CLIP1: variants seen among roughly 807,000 people sequenced by gnomAD.
The protein encoded by CLIP1 is CAP-Gly domain containing linker protein 1, also known as CAP-Gly domain-containing linker protein 1.
A neutral mutation model predicts 161.6 loss-of-function variants in CLIP1; 66 were observed. That is an observed-to-expected ratio of 0.41 (90% CI 0.33 to 0.50). The LOEUF is 0.50. Among genes scored for constraint, CLIP1 ranks in the 20% least tolerant of loss-of-function variants. The pLI is 0.27. For missense variants in CLIP1, 1,376 were observed against 1,702.0 expected (o/e 0.81, Z 3.37); for synonymous variants, 598 against 626.2 (o/e 0.96, Z 0.67).
At chr12:122,409,274 C>A (rs1184290723) in intron 1 of CLIP1, among the ~76,000 whole-genome samples, 1 of 148,820 alleles carries the variant, frequency 6.7e-6, no homozygotes, top group African/African-American at 2.5e-5. Flanking sequence ...TACAGGCATG[C>A]GCAACCACGC....
Position 122,355,377 on chromosome 12 carries a change from G to GCCCGC in CLIP1, c.1006-66_1006-65insGCGGG. On this transcript the variant is annotated intron_variant, in intron 5 of 25. Coordinates refer to ENST00000620786, the MANE Select transcript of CLIP1 (RefSeq NM_001247997.2). The surrounding 1 kb of genome is among the most constrained non-coding windows in gnomAD (Gnocchi z 4.1). ...GTCAGAAAAGCGAGGGAGGCGCGAT[G>GCCCGC]CATGCATGGCGGGCATCTGCTCGGC... The GCCCGC allele has an allele frequency of 1.4e-6, 2 of 1,449,250 alleles. No homozygotes were observed. Among genetic ancestry groups the GCCCGC allele is most frequent in the Non-Finnish European group, 1.9e-6 (2 of 1,044,478 alleles). 89.8% of individuals were successfully genotyped at this position (1,449,250 alleles called of 1,614,324 possible).
At chr12:122,345,512 A>AGG (rs1952705075) in intron 10 of CLIP1, among the ~76,000 whole-genome samples, 1 of 151,190 alleles carries the variant, frequency 6.6e-6, no homozygotes, top group African/African-American at 2.5e-5. Context: ...TTTAGTTCAG[A>AGG]GGCCGATAGT....
At chr12:122,332,948 T>A in intron 15 of CLIP1, 39 bp downstream of exon 15, 1 of 1,576,828 alleles carries the variant, frequency 6.3e-7, no homozygotes, top group Non-Finnish European at 8.6e-7. Context: ...CCGCAGAGCC[T>A]AACCTAAGGT....
At chr12:122,417,653 C>T (rs1407408838) in intron 1 of CLIP1, among the ~76,000 whole-genome samples, 1 of 151,708 alleles carries the variant, frequency 6.6e-6, no homozygotes, top group African/African-American at 2.4e-5. Flanking sequence ...GCTGGGACTA[C>T]AGGCACCCGC....
intron 15 of CLIP1, among the ~76,000 whole-genome samples, chr12:122,331,176 G>A (rs1184686803): frequency 4.0e-5 from 6 of 151,666 alleles, no homozygotes; most frequent in South Asian, 4.2e-4. Context: ...CACCATACCC[G>A]GCTAATTTTG....
chr12:122,284,130 G>C (rs745342462), intron 21 of CLIP1, among the ~76,000 whole-genome samples: 69 of 152,118 alleles, frequency 4.5e-4, no homozygotes, highest in Non-Finnish European at 2.4e-4. Context: ...TTCTAAAACA[G>C]AAATAACTTT....
intron 5 of CLIP1, among the ~76,000 whole-genome samples, chr12:122,356,625 T>C (rs552914568): frequency 6.9e-4 from 105 of 151,248 alleles, no homozygotes; most frequent in Admixed American, 4.7e-3. Flanking sequence ...TCTCCCTCTC[T>C]CCCTCTCCCT....
At chr12:122,390,188 TATATATATA>T (rs1033458946) in intron 1 of CLIP1, among the ~76,000 whole-genome samples, 2 of 136,130 alleles carry the variant, frequency 1.5e-5, no homozygotes, top group Non-Finnish European at 3.1e-5. Context: ...TATATATATA[TATATATATA>T]ATATATATAT....
rs1417291380 is a variant in CLIP1, at chr12:122,340,806, C to T, written c.2398G>A (p.Ala800Thr). ...MKKLRQQLEA[A>T]EKQIKHLEIE... ...TCTAAATGTTTAATCTGTTTCTCAG[C>T]TGCCTCAAGCTGCTGTCTAAGTTTC... Residue 800 changes from alanine to threonine, a missense_variant, in exon 11 of 26, where the codon GCT becomes ACT. Physicochemically the swap from Ala to Thr is moderately conservative, Grantham distance 58 (BLOSUM62 0). Coordinates refer to ENST00000620786, the MANE Select transcript of CLIP1 (RefSeq NM_001247997.2). 6.2e-7 allele frequency: 1 copy of T among 1,610,736 alleles called. No homozygotes were observed. The highest frequency in any genetic ancestry group is 2.2e-5 in the East Asian group (1 of 44,844).
At chr12:122,365,767 G>A (rs1954123997) in intron 3 of CLIP1, 1 of 594,844 alleles carries the variant, frequency 1.7e-6, no homozygotes, top group African/African-American at 1.9e-5. Context: ...CAGCACTTTG[G>A]GAGGCCCAGG....
chr12:122,370,949 C>A (rs916885024), intron 3 of CLIP1, among the ~76,000 whole-genome samples: 1 of 128,890 alleles, frequency 7.8e-6, no homozygotes, highest in Non-Finnish European at 1.6e-5. Context: ...CAGAGCAGGA[C>A]TCTGTCTCAA....
At chr12:122,357,537 GC>G (rs1953489226) in intron 5 of CLIP1, among the ~76,000 whole-genome samples, 3 of 140,490 alleles carry the variant, frequency 2.1e-5, no homozygotes, top group Non-Finnish European at 4.6e-5. Flanking sequence ...CCGGCCAGCC[GC>G]CCCGTCCGGG....
At chr12:122,313,445 G>A (rs1951138379) in intron 19 of CLIP1, among the ~76,000 whole-genome samples, 1 of 152,178 alleles carries the variant, frequency 6.6e-6, no homozygotes, top group African/African-American at 2.4e-5. Context: ...TATGTCACCT[G>A]GCCGGGCGTG....
chr12:122,297,275 T>C (rs992212216), intron 20 of CLIP1, among the ~76,000 whole-genome samples: 42 of 152,248 alleles, frequency 2.8e-4, no homozygotes, highest in African/African-American at 8.9e-4. Flanking sequence ...ATGAAGGACA[T>C]TAGAAGTCCA....
At chr12:122,390,315 T>C (rs1955599681) in intron 1 of CLIP1, among the ~76,000 whole-genome samples, 1 of 141,982 alleles carries the variant, frequency 7.0e-6, no homozygotes, top group African/African-American at 2.6e-5. Context: ...TATATATATA[T>C]ATATTATTTT....
chr12:122,408,161 G>A (rs921194595), intron 1 of CLIP1, among the ~76,000 whole-genome samples: 3 of 150,900 alleles, frequency 2.0e-5, no homozygotes, highest in Middle Eastern at 3.4e-3. Flanking sequence ...ACTTGAACCC[G>A]GGAGACGGAG....
intron 1 of CLIP1, among the ~76,000 whole-genome samples, chr12:122,395,004 G>A (rs574958512): frequency 2.0e-5 from 3 of 152,262 alleles, no homozygotes; most frequent in African/African-American, 7.2e-5. Context: ...AAAAACAGAT[G>A]GTGACAACTT....
intron 25 of CLIP1, 77 bp downstream of exon 25, chr12:122,273,961 A>G: frequency 7.7e-7 from 1 of 1,305,638 alleles, no homozygotes; most frequent in Non-Finnish European, 1.1e-6. Flanking sequence ...CGAACTCCTG[A>G]CCCTCAAGTG....
chr12:122,283,390 A>C (rs902145797), intron 21 of CLIP1, among the ~76,000 whole-genome samples: 1 of 152,104 alleles, frequency 6.6e-6, no homozygotes, highest in African/African-American at 2.4e-5. Context: ...AACAAAAAAC[A>C]AAAAGAAAAA....
Sources: allele counts gnomAD v4.1 joint callset (sites outside exome capture counted in the v4.1 genomes callset), GRCh38; gene constraint gnomAD v4.1.1; non-coding constraint Gnocchi (gnomAD v3.1); transcripts MANE v1.5; gene names NCBI Gene and HGNC (gene_info 2026-07-23, HGNC 2026-07-21).